Variants in OSBPL5 observed in about 807,000 individuals in gnomAD.
OSBPL5 encodes the protein oxysterol-binding protein-related protein 5.
OSBPL5 carries 71 observed loss-of-function variants against 111.2 expected under a neutral mutation model. That is an observed-to-expected ratio of 0.64 (90% CI 0.53 to 0.78). The LOEUF (loss-of-function observed/expected upper bound fraction) is 0.78. Among genes scored for constraint, OSBPL5 ranks in the 30% least tolerant of loss-of-function variants. The pLI is 0.00. For missense variants in OSBPL5, 1,210 were observed against 1,189.3 expected, an observed-to-expected ratio of 1.02 and a Z score of -0.26; for synonymous variants, 549 against 513.9, an observed-to-expected ratio of 1.07 and a Z score of -0.93.
chr11:3,114,591 A>AC (rs774192603), intron 7 of OSBPL5, among the ~76,000 whole-genome samples: 6,586 of 113,662 alleles, frequency 0.058, 1,738 homozygotes, highest in African/African-American at 0.12. Context: ...TAGAACAATG[A>AC]TTTTTTTTTT....
At chr11:3,145,692 G>C (rs1219930592) in intron 1 of OSBPL5, among the ~76,000 whole-genome samples, 1 of 152,204 alleles carries the variant, frequency 6.6e-6, no homozygotes, top group African/African-American at 2.4e-5. Flanking sequence ...CCCCAGACCA[G>C]CAGGGCCAGC....
At chr11:3,136,356 G>A (rs1242736231) in intron 1 of OSBPL5, among the ~76,000 whole-genome samples, 1 of 152,244 alleles carries the variant, frequency 6.6e-6, no homozygotes, top group African/African-American at 2.4e-5. Context: ...GGTCACTGGC[G>A]CCTCCTCAGG....
chr11:3,133,556 A>G (rs905695589), intron 1 of OSBPL5, among the ~76,000 whole-genome samples: 3 of 152,234 alleles, frequency 2.0e-5, no homozygotes, highest in Non-Finnish European at 4.4e-5. Flanking sequence ...AGCGGCCTCC[A>G]TGCCCTGGGG....
intron 7 of OSBPL5, among the ~76,000 whole-genome samples, chr11:3,116,763 G>A (rs955466423): frequency 2.7e-5 from 4 of 149,474 alleles, no homozygotes; most frequent in Admixed American, 6.7e-5. Context: ...GCTGAGGCAG[G>A]AGAATTGCTT....
At position 3,119,630 on chromosome 11, in the gene OSBPL5, C is replaced by G; in HGVS notation, c.608G>C (p.Gly203Ala). 1.3e-6 allele frequency: 2 copies of G among 1,578,962 alleles called. No homozygotes were observed. The highest frequency in any genetic ancestry group is 2.3e-5 in the South Asian group (2 of 86,494). The change falls in exon 7 of 22, where the codon GGC becomes GCC. Residue 203 changes from glycine to alanine, a missense_variant and splice_region_variant. Physicochemically the swap from Gly to Ala is moderately conservative, Grantham distance 60 (BLOSUM62 0). Transcript: ENST00000263650. ...PLDQSVWAVK[G>A]PKGESVGSIT... ...GGAGCCCACGCTCTCACCTTTGGGG[C>G]CCTGGAGAGAGAGAGATCTGGGTGT...
intron 1 of OSBPL5, among the ~76,000 whole-genome samples, chr11:3,151,317 A>G (rs1846577877): frequency 6.6e-6 from 1 of 152,148 alleles, no homozygotes; most frequent in Admixed American, 6.6e-5. Context: ...GTCATTTGTT[A>G]TGGCAGCCCC....
Position 3,146,227 on chromosome 11 carries a change from T to C in OSBPL5, c.-21-17058A>G, listed in dbSNP as rs7947727. 8,680 of 152,194 alleles carry C rather than the reference T, an allele frequency of 0.057. 286 individuals are homozygous for C. Among genetic ancestry groups the C allele is most frequent in the Admixed American group, 0.094 (1,430 of 15,282 alleles). 9.4% of individuals were successfully genotyped at this position (152,194 alleles called of 1,614,324 possible). Reference sequence around the variant, plus strand: ...GACCAGCGAGACAGACACACTGCCCTTATGAGCTGCGCCCCCACCCCCAAA... The same window carrying C: ...GACCAGCGAGACAGACACACTGCCCCTATGAGCTGCGCCCCCACCCCCAAA... On this transcript the variant is annotated intron_variant, in intron 1 of 21. Transcript: ENST00000263650. This position sits in a 1 kb window ranked among gnomAD's most constrained non-coding sequence, Gnocchi z 7.8.
At chr11:3,103,605 C>T (rs994781275) in intron 10 of OSBPL5, among the ~76,000 whole-genome samples, 1 of 151,998 alleles carries the variant, frequency 6.6e-6, no homozygotes, top group South Asian at 2.1e-4. Flanking sequence ...TGCCCATGCT[C>T]TTGTTCCCAC....
rs377309459 is a variant in OSBPL5 at position 3,120,384 on chromosome 11, C to T, written c.606+37G>A. The stretch of plus-strand genomic sequence containing the variant: ...CCTAGGAATGAGCCCCTTGGCCCTA[C>T]GGGGCCTCTGTCTTCAACCCCACCC... On this transcript the variant is annotated intron_variant, in intron 6 of 21. Coordinates refer to ENST00000263650, the MANE Select transcript of OSBPL5 (RefSeq NM_020896.4). The T allele has an allele frequency of 2.5e-4, 404 of 1,587,362 alleles. 6 individuals are homozygous for T. The East Asian group carries it at 4.6e-3, about 18-fold the overall frequency.
intron 14 of OSBPL5, among the ~76,000 whole-genome samples, chr11:3,097,846 C>T (rs1169688106): frequency 1.3e-5 from 2 of 152,220 alleles, no homozygotes; most frequent in Non-Finnish European, 2.9e-5. Flanking sequence ...GCAGGCGGAT[C>T]ACCCGAGGTC....
chr11:3,112,042 CGCGCATGTGT>C (rs1857984418), intron 7 of OSBPL5, among the ~76,000 whole-genome samples: 27 of 82,284 alleles, frequency 3.3e-4, no homozygotes, highest in South Asian at 1.6e-3. Flanking sequence ...TGTATGTGTG[CGCGCATGTGT>C]GTGCATGTGT....
At chr11:3,112,077 GTGTGTGTGCA>G (rs71464200) in intron 7 of OSBPL5, among the ~76,000 whole-genome samples, 37 of 98,754 alleles carry the variant, frequency 3.7e-4, no homozygotes, top group Admixed American at 7.5e-4. Flanking sequence ...GTGTGTGCAT[GTGTGTGTGCA>G]TGTGTGTGTG....
chr11:3,089,796 C>T (rs1411572847), intron 21 of OSBPL5, 50 bp downstream of exon 21: 1 of 1,516,726 alleles, frequency 6.6e-7, no homozygotes. Context: ...TACCAGGTCT[C>T]TCGCACTCTC....
At chr11:3,128,916 G>A in intron 2 of OSBPL5, 97 bp downstream of exon 2, 1 of 1,142,534 alleles carries the variant, frequency 8.8e-7, no homozygotes, top group East Asian at 3.1e-5. Context: ...CATGGAAGCT[G>A]TGGACCTCAA....
intron 1 of OSBPL5, among the ~76,000 whole-genome samples, chr11:3,131,880 C>T (rs79174598): frequency 0.68 from 51,615 of 75,860 alleles, 17,288 homozygotes; most frequent in Non-Finnish European, 0.72. Context: ...CATCCATCCA[C>T]CCATCCACCC....
In OSBPL5 at chr11:3,112,468, GTTTTCTTTTC is replaced by G. The variant is rs140661592; in HGVS notation, c.692-4533_692-4524del. On this transcript the variant is annotated intron_variant, in intron 7 of 21. Transcript: ENST00000263650. ...TTTTGTATTGTGTAACCTGTTTTGT[GTTTTCTTTTC>G]TTTTTTTTTTTTTTTTTGACTAAAG... Among the ~76,000 whole-genome samples the G allele has an allele frequency of 3.6e-4, 42 of 117,652 alleles. No homozygotes were observed. In the East Asian group the frequency reaches 6.0e-3, roughly 17 times the overall value. 77.2% of individuals were successfully genotyped at this position (117,652 alleles called of 152,430 possible). A position where few individuals can be genotyped will look rare whatever the true frequency, so the allele number is the denominator to read the frequency against.
chr11:3,122,411 GCA>G lies in OSBPL5; in HGVS notation c.235_236del (p.Cys79GlnfsTer52), dbSNP rs1858453138. 2.5e-6 allele frequency: 4 copies of G among 1,613,750 alleles called. No individual in the cohort carries two copies. Among genetic ancestry groups the G allele is most frequent in the African/African-American group, 1.3e-5 (1 of 74,916 alleles). ...ACACACATTCCTTGTCTGACCCGTT[GCA>G]CAGCCTGTACTCTGCCTGAAAGAGA... ...TKVPPAEYRL[C>X]NGSDKECVSP... On this transcript the variant is annotated frameshift_variant, in exon 4 of 22. Transcript: ENST00000263650. LOFTEE classifies it high-confidence loss of function.
At chr11:3,128,597 G>A (rs1207910643) in intron 2 of OSBPL5, among the ~76,000 whole-genome samples, 1 of 152,148 alleles carries the variant, frequency 6.6e-6, no homozygotes, top group Non-Finnish European at 1.5e-5. Flanking sequence ...CTGGGAGTAG[G>A]TACTAATATT....
At chr11:3,129,212 G>T in intron 1 of OSBPL5, 43 bp from the exon 2 acceptor site, 1 of 1,358,170 alleles carries the variant, frequency 7.4e-7, no homozygotes, top group Non-Finnish European at 9.5e-7. Flanking sequence ...CACCGCCCCG[G>T]AAGGGGCTTC....
Sources: allele counts gnomAD v4.1 joint callset (sites outside exome capture counted in the v4.1 genomes callset), GRCh38; gene constraint gnomAD v4.1.1; non-coding constraint Gnocchi (gnomAD v3.1); transcripts MANE v1.5; gene names NCBI Gene and HGNC (gene_info 2026-07-23, HGNC 2026-07-21).